BLM: variants seen among roughly 807,000 people sequenced by gnomAD.
BLM encodes recQ-like DNA helicase BLM.
BLM carries 95 observed loss-of-function variants against 135.3 expected under a neutral mutation model. The observed-to-expected ratio is 0.70, with a 90% CI of 0.59 to 0.83. The LOEUF (loss-of-function observed/expected upper bound fraction) is 0.83. BLM is among the 40% of genes least tolerant of loss of function. BLM has a pLI of 0.00. For missense variants in BLM, 1,518 were observed against 1,663.9 expected, an observed-to-expected ratio of 0.91 and a Z score of 1.53; for synonymous variants, 520 against 589.2, an observed-to-expected ratio of 0.88 and a Z score of 1.70.
intron 19 of BLM, among the ~76,000 whole-genome samples, chr15:90,804,836 C>A (rs749957603): frequency 2.0e-5 from 3 of 151,828 alleles, no homozygotes; most frequent in Non-Finnish European, 4.4e-5. Flanking sequence ...GAAACTTATT[C>A]TTTTTTTGTT....
At chr15:90,790,177 G>A (rs1412139223) in intron 14 of BLM, 2 of 189,638 alleles carry the variant, frequency 1.1e-5, no homozygotes, top group African/African-American at 2.4e-5. Context: ...AGGTAAGAAC[G>A]TATTGTTCCT....
At chr15:90,719,337 C>A (rs1363123749) in intron 1 of BLM, among the ~76,000 whole-genome samples, 9 of 152,138 alleles carry the variant, frequency 5.9e-5, no homozygotes, top group Admixed American at 5.2e-4. Flanking sequence ...CACAGTGGCT[C>A]ACACCCATAA....
chr15:90,768,767 C>G lies in BLM; in HGVS notation c.2308-366C>G, dbSNP rs1054784403. ...TCGAGACCGAGTTTCGGTATTGTTA[C>G]CAGGCTGGAGTGCAGTGGCACGATC... On this transcript the variant is annotated intron_variant, in intron 10 of 21. Coordinates refer to ENST00000355112, the MANE Select transcript of BLM (RefSeq NM_000057.4). Among the ~76,000 whole-genome samples, 5 of 152,156 alleles carry G rather than the reference C, an allele frequency of 3.3e-5. No homozygotes were observed. The East Asian group carries it at 5.8e-4, about 18-fold the overall frequency.
At chr15:90,799,273 A>T (rs964513238) in intron 17 of BLM, among the ~76,000 whole-genome samples, 3 of 151,834 alleles carry the variant, frequency 2.0e-5, no homozygotes, top group African/African-American at 7.3e-5. Flanking sequence ...GGGAGAGAAG[A>T]CTCCTTAGTA....
intron 1 of BLM, among the ~76,000 whole-genome samples, chr15:90,731,560 G>T (rs1426269496): frequency 6.6e-6 from 1 of 151,860 alleles, no homozygotes; most frequent in Non-Finnish European, 1.5e-5. Flanking sequence ...TGGTTATAAG[G>T]CTATTAGGTT....
At chr15:90,765,518 G>T (rs778888080) in intron 9 of BLM, 104 bp downstream of exon 9, 4 of 941,940 alleles carry the variant, frequency 4.2e-6, no homozygotes, top group Admixed American at 2.0e-5. Flanking sequence ...AAAAAATAAA[G>T]CACAGCAGTT....
chr15:90,786,152 T>G (rs1163609367), intron 14 of BLM, among the ~76,000 whole-genome samples: 1 of 151,970 alleles, frequency 6.6e-6, no homozygotes, highest in Non-Finnish European at 1.5e-5. Context: ...TATGCCTGGC[T>G]AATTTTTTTA....
chr15:90,812,951 T>A (rs1015571904), intron 21 of BLM, among the ~76,000 whole-genome samples: 3 of 152,230 alleles, frequency 2.0e-5, no homozygotes, highest in African/African-American at 7.2e-5. Context: ...ATTCCTCCAC[T>A]TTGGGAAATA....
intron 3 of BLM, 83 bp from the exon 4 acceptor site, chr15:90,751,704 A>T: frequency 8.4e-7 from 1 of 1,187,928 alleles, no homozygotes; most frequent in Non-Finnish European, 1.2e-6. Flanking sequence ...TGCCAGAAGC[A>T]CTCATTCTTA....
chr15:90,793,238 C>A (rs535232588), intron 15 of BLM, among the ~76,000 whole-genome samples: 1 of 144,776 alleles, frequency 6.9e-6, no homozygotes, highest in South Asian at 2.1e-4. Context: ...TGGGTTCAAG[C>A]GATTCTCAGC....
chr15:90,776,473 T>C (rs1252632150), intron 12 of BLM, among the ~76,000 whole-genome samples: 1 of 152,200 alleles, frequency 6.6e-6, no homozygotes, highest in Admixed American at 6.5e-5. Context: ...AATATGATAT[T>C]TTTGACAAAA....
chr15:90,787,205 A>G (rs1378643822), intron 14 of BLM, among the ~76,000 whole-genome samples: 1 of 121,544 alleles, frequency 8.2e-6, no homozygotes, highest in Non-Finnish European at 1.6e-5. Context: ...ACCCGCCACC[A>G]CGCCCGGCTA....
At chr15:90,774,016 T>C (rs1293254281) in intron 12 of BLM, among the ~76,000 whole-genome samples, 1 of 151,574 alleles carries the variant, frequency 6.6e-6, no homozygotes, top group East Asian at 1.9e-4. Context: ...ACTGTATGAT[T>C]AACCTTTTCA....
chr15:90,754,443 TAGA>T (rs1895762851), intron 4 of BLM, among the ~76,000 whole-genome samples: 1 of 152,198 alleles, frequency 6.6e-6, no homozygotes, highest in Non-Finnish European at 1.5e-5. Flanking sequence ...TGGCTGGGGC[TAGA>T]AGAACAGGTG....
intron 14 of BLM, among the ~76,000 whole-genome samples, chr15:90,789,734 T>C (rs1196261374): frequency 3.9e-5 from 6 of 152,200 alleles, no homozygotes; most frequent in Non-Finnish European, 7.3e-5. Context: ...GCCTGCCAGA[T>C]ATTTCAGATG....
intron 21 of BLM, among the ~76,000 whole-genome samples, chr15:90,814,700 G>A (rs1897510783): frequency 6.6e-6 from 1 of 152,222 alleles, no homozygotes; most frequent in Admixed American, 6.5e-5. Context: ...GTGCCTGTCA[G>A]CAGGGAGCTG....
chr15:90,735,449 A>G (rs1029999809), intron 1 of BLM, among the ~76,000 whole-genome samples: 1 of 151,980 alleles, frequency 6.6e-6, no homozygotes. Flanking sequence ...ATATTGTAAC[A>G]TGTTGCAAAG....
At chr15:90,764,534 A>G (rs1046205737) in intron 8 of BLM, among the ~76,000 whole-genome samples, 1 of 151,784 alleles carries the variant, frequency 6.6e-6, no homozygotes, top group Non-Finnish European at 1.5e-5. Context: ...TTTTTTGTAG[A>G]GATGGGATCT....
chr15:90,782,258 G>A (rs1896633439), intron 12 of BLM, among the ~76,000 whole-genome samples: 1 of 151,978 alleles, frequency 6.6e-6, no homozygotes, highest in Non-Finnish European at 1.5e-5. Flanking sequence ...CGCGATGGTG[G>A]GCATCCATAA....
Sources: gnomAD v4.1 joint callset for allele counts (sites outside exome capture counted in the v4.1 genomes callset) on GRCh38, gnomAD v4.1.1 for gene constraint, MANE v1.5 for transcripts, NCBI Gene and HGNC (gene_info 2026-07-23, HGNC 2026-07-21) for gene names.